TENM1: variants seen among roughly 807,000 people sequenced by gnomAD.
TENM1 encodes the protein teneurin transmembrane protein 1.
In TENM1, 35 loss-of-function variants were observed where a neutral mutation model predicts 174.8. The ratio of observed to expected loss-of-function variants is 0.20; its 90% CI spans 0.15 to 0.27. The LOEUF (loss-of-function observed/expected upper bound fraction) is 0.27. Among genes scored for constraint, TENM1 ranks in the 10% least tolerant of loss-of-function variants. The pLI, the probability that TENM1 is intolerant of heterozygous loss-of-function variation, is 1.00. For synonymous variants in TENM1, 781 were observed against 798.7 expected (o/e 0.98, Z 0.37); for missense variants, 1,633 against 2,130.1 (o/e 0.77, Z 4.59).
intron 4 of TENM1, 39 bp from the exon 8 acceptor site, chrX:124,705,290 A>G (rs1207859524): frequency 3.2e-5 from 33 of 1,036,456 alleles, no homozygotes; most frequent in Non-Finnish European, 4.1e-5. Flanking sequence ...ATAAAAAGCA[A>G]AGCCAGTTGC....
the TENM1 span, among the ~76,000 whole-genome samples, chrX:125,158,896 A>C: frequency 9.0e-6 from 1 of 111,105 alleles, no homozygotes; most frequent in Admixed American, 9.7e-5. Context: ...CAATGAAGAA[A>C]GAGGAAATGG....
At chrX:124,504,805 C>T (rs1425563047) in intron 18 of TENM1, among the ~76,000 whole-genome samples, 2 of 111,227 alleles carry the variant, frequency 1.8e-5, no homozygotes, top group South Asian at 3.8e-4. Context: ...ACAATAGGTC[C>T]GAAAGTGAAA....
chrX:124,671,379 G>A (rs972721727), intron 6 of TENM1, among the ~76,000 whole-genome samples: 3 of 111,409 alleles, frequency 2.7e-5, no homozygotes, highest in East Asian at 2.8e-4. Flanking sequence ...AAAATCCCAC[G>A]TTGCTTCAGG....
At chrX:124,891,189 T>C (rs2057469970) in intron 3 of TENM1, among the ~76,000 whole-genome samples, 1 of 110,946 alleles carries the variant, frequency 9.0e-6, no homozygotes, top group Non-Finnish European at 1.9e-5. Flanking sequence ...GGAAGGTTAA[T>C]AGGTGCAAAA....
At chrX:125,069,197 C>T in the TENM1 span, among the ~76,000 whole-genome samples, 33 of 111,471 alleles carry the variant, frequency 3.0e-4, no homozygotes, top group African/African-American at 9.8e-4. Context: ...CTATTGTTTC[C>T]ATCTTTATAT....
intron 27 of TENM1, among the ~76,000 whole-genome samples, chrX:124,400,087 C>T (rs866749297): frequency 1.1e-4 from 12 of 111,678 alleles, no homozygotes; most frequent in Non-Finnish European, 1.9e-4. Flanking sequence ...CCAGGGGGCT[C>T]CTTAGGGGGA....
the TENM1 span, among the ~76,000 whole-genome samples, chrX:125,129,027 A>G: frequency 0.013 from 1,455 of 111,112 alleles, 27 homozygotes; most frequent in African/African-American, 0.044. Flanking sequence ...TAGTGACCTT[A>G]TTAGAAAAGA....
At chrX:124,710,139 G>GT (rs996060974) in intron 4 of TENM1, among the ~76,000 whole-genome samples, 1 of 111,050 alleles carries the variant, frequency 9.0e-6, no homozygotes, top group Non-Finnish European at 1.9e-5. Context: ...CTCCCAGACT[G>GT]TTTTTTTCCC....
At chrX:125,071,157 T>C in the TENM1 span, among the ~76,000 whole-genome samples, 1 of 111,823 alleles carries the variant, frequency 8.9e-6, no homozygotes, top group Non-Finnish European at 1.9e-5. Flanking sequence ...AAACTGAACA[T>C]ACTATTTCCC....
intron 1 of TENM1, among the ~76,000 whole-genome samples, chrX:124,956,101 A>G (rs1343101783): frequency 8.9e-6 from 1 of 111,957 alleles, no homozygotes; most frequent in African/African-American, 3.2e-5. Flanking sequence ...TGTTGCATAA[A>G]TGCTAGATAT....
Position 124,842,155 on chromosome X carries a change from G to T in TENM1, c.535+52141C>A, listed in dbSNP as rs189327606. On this transcript the variant is annotated intron_variant, in intron 3 of 31. Transcript: ENST00000422452. Reference sequence around the variant, plus strand: ...CCTCATCACCCCTTGGGATTTCTGTGCTCTCAGTCTACTGCCTAGAACTCC... The same window carrying T: ...CCTCATCACCCCTTGGGATTTCTGTTCTCTCAGTCTACTGCCTAGAACTCC... Among the ~76,000 whole-genome samples, 4 of 111,178 alleles carry T rather than the reference G, an allele frequency of 3.6e-5. No homozygotes were observed. In the East Asian group the frequency reaches 1.1e-3, roughly 32 times the overall value.
At chrX:124,905,317 G>A (rs755816791) in intron 1 of TENM1, among the ~76,000 whole-genome samples, 18 of 110,800 alleles carry the variant, frequency 1.6e-4, no homozygotes, top group South Asian at 7.6e-4. Flanking sequence ...ATAAATAAAT[G>A]AATGAATGAA....
At chrX:124,457,486 G>A (rs1471251450) in intron 22 of TENM1, among the ~76,000 whole-genome samples, 1 of 112,253 alleles carries the variant, frequency 8.9e-6, no homozygotes, top group Non-Finnish European at 1.9e-5. Context: ...GTATGAAACA[G>A]CTGCAAATTA....
At chrX:124,537,354 AT>A (rs2048226945) in intron 15 of TENM1, among the ~76,000 whole-genome samples, 1 of 111,363 alleles carries the variant, frequency 9.0e-6, no homozygotes, top group Non-Finnish European at 1.9e-5. Flanking sequence ...TCCTTACCTT[AT>A]TTCATTTAAT....
At chrX:124,970,963 A>C in the TENM1 span, among the ~76,000 whole-genome samples, 1 of 110,053 alleles carries the variant, frequency 9.1e-6, no homozygotes, top group Non-Finnish European at 1.9e-5. Flanking sequence ...GCCATAAAAA[A>C]GGATGAGTTC....
At chrX:124,904,210 C>T (rs1219968361) in intron 1 of TENM1, among the ~76,000 whole-genome samples, 1 of 111,307 alleles carries the variant, frequency 9.0e-6, no homozygotes, top group African/African-American at 3.3e-5. Flanking sequence ...TAGAGGCAAG[C>T]AATATTATTT....
chrX:124,530,891 C>G (rs2048090807), intron 15 of TENM1, among the ~76,000 whole-genome samples: 1 of 112,017 alleles, frequency 8.9e-6, no homozygotes, highest in African/African-American at 3.2e-5. Context: ...GCTAGCCTGG[C>G]TGACAAGCTG....
chrX:124,907,764 G>C (rs1490905129), intron 1 of TENM1, among the ~76,000 whole-genome samples: 2 of 111,939 alleles, frequency 1.8e-5, no homozygotes, highest in African/African-American at 6.5e-5. Flanking sequence ...GGCAGAATGG[G>C]TTATTATATG....
chrX:124,982,435 T>A, the TENM1 span, among the ~76,000 whole-genome samples: 1 of 111,094 alleles, frequency 9.0e-6, no homozygotes, highest in Non-Finnish European at 1.9e-5. Flanking sequence ...GCCCAAAAGA[T>A]CTAATCTTCG....
Sources: gnomAD v4.1 joint callset for allele counts (sites outside exome capture counted in the v4.1 genomes callset) on GRCh38, gnomAD v4.1.1 for gene constraint, MANE v1.5 for transcripts, NCBI Gene and HGNC (gene_info 2026-07-23, HGNC 2026-07-21) for gene names.